The following DOCK5 variants were observed in gnomAD, a reference collection of about 807,000 sequenced individuals.
DOCK5 encodes the protein dedicator of cytokinesis 5.
A neutral mutation model predicts 251.8 loss-of-function variants in DOCK5; 142 were observed. The observed-to-expected ratio is 0.56, with a 90% CI of 0.49 to 0.65. The LOEUF (loss-of-function observed/expected upper bound fraction) is 0.65. DOCK5 is among the 30% of genes least tolerant of loss of function. The pLI, the probability that DOCK5 is intolerant of heterozygous loss-of-function variation, is 0.00. For missense variants in DOCK5, 2,111 were observed against 2,312.3 expected (o/e 0.91, Z 1.79); for synonymous variants, 842 against 835.5 (o/e 1.01, Z -0.13).
In DOCK5 at chr8:25,408,030, G is replaced by T. The variant is rs377379890; in HGVS notation, c.5141G>T (p.Arg1714Ile). 1 of 1,612,376 alleles carries T rather than the reference G, an allele frequency of 6.2e-7. No individual in the cohort carries two copies. The highest frequency in any genetic ancestry group is 1.3e-5 in the African/African-American group (1 of 74,888). The change falls in exon 49 of 52, where the codon AGA becomes ATA. Residue 1714 changes from arginine (R) to isoleucine (I), a missense_variant. Physicochemically the swap from Arg to Ile is moderately conservative, Grantham distance 97. Coordinates refer to ENST00000276440, the MANE Select transcript of DOCK5 (RefSeq NM_024940.8). ...GAGCGCAGGGCCTCGTCAGGTGCCA[G>T]AGTTGAAGATCTGTCCCTTAGAGAG... is the stretch of plus-strand genomic sequence containing the variant. ...LLERRASSGA[R>I]VEDLSLREEN...
chr8:25,338,747 A>G (rs1044430966), intron 22 of DOCK5, among the ~76,000 whole-genome samples: 19 of 152,246 alleles, frequency 1.2e-4, no homozygotes, highest in African/African-American at 4.3e-4. Flanking sequence ...CTCTTACCCA[A>G]AAGTTTGTAT....
intron 41 of DOCK5, 106 bp downstream of exon 41, chr8:25,389,338 A>C: frequency 7.2e-7 from 1 of 1,390,136 alleles, no homozygotes; most frequent in Non-Finnish European, 9.7e-7. Flanking sequence ...CAGACACACC[A>C]TCTTCTCAAG....
chr8:25,311,550 A>C (rs930655560), intron 13 of DOCK5, among the ~76,000 whole-genome samples: 73 of 151,610 alleles, frequency 4.8e-4, no homozygotes, highest in African/African-American at 1.3e-3. Context: ...TCTCAAAAAA[A>C]AAAAAAAGAA....
rs1179168636 is a variant in DOCK5, at chr8:25,298,994, C to G, written c.657C>G (p.Ile219Met). 1 of 1,613,904 alleles carries G rather than the reference C, an allele frequency of 6.2e-7. No homozygotes were observed. Among genetic ancestry groups the G allele is most frequent in the Non-Finnish European group, 8.5e-7 (1 of 1,179,850 alleles). Residue 219 changes from isoleucine to methionine, a missense_variant, in exon 8 of 52, where the codon ATC (isoleucine) becomes ATG (methionine). Ile to Met is a conservative substitution (Grantham distance 10). Coordinates refer to ENST00000276440, the MANE Select transcript of DOCK5 (RefSeq NM_024940.8). ...GGGGCCAGTCCATCTTCAGTACCATCCACACCTATGGCCTCTATGTGAACT... is the reference window on the plus strand; with the variant it reads ...GGGGCCAGTCCATCTTCAGTACCATGCACACCTATGGCCTCTATGTGAACT... ...DLRGQSIFST[I>M]HTYGLYVNFK...
intron 34 of DOCK5, among the ~76,000 whole-genome samples, 158 bp downstream of exon 34, chr8:25,369,799 C>T (rs1268921054): frequency 6.6e-6 from 1 of 152,080 alleles, no homozygotes; most frequent in East Asian, 1.9e-4. Context: ...GTATACTGTC[C>T]ACAGCTGACA....
In DOCK5 at chr8:25,389,076, G is replaced by A; in HGVS notation, c.4132-15G>A. 1 of 1,612,718 alleles carries A rather than the reference G, an allele frequency of 6.2e-7. No individual in the cohort carries two copies. The highest frequency in any genetic ancestry group is 8.5e-7 in the Non-Finnish European group (1 of 1,178,962). ...TTCCTATGTAATGACTTCCCTTTCT[G>A]TGTCTCACCTGCAGAATAAAATCTT... On this transcript the variant is annotated splice_polypyrimidine_tract_variant and intron_variant, in intron 40 of 51. Transcript: ENST00000276440.
In DOCK5 at chr8:25,393,722, G is replaced by T. The variant is rs550781569; in HGVS notation, c.4527+840G>T. ...CTGGAACACCCAAGTTGGGTGACCT[G>T]CCCTTTGTCTGTCCCCTGTGGCATC... On this transcript the variant is annotated intron_variant, in intron 44 of 51. Transcript: ENST00000276440. Among the ~76,000 whole-genome samples the T allele has an allele frequency of 4.6e-5, 7 of 152,282 alleles. No homozygotes were observed. In the South Asian group the frequency reaches 1.5e-3, roughly 32 times the overall value.
chr8:25,399,167 T>C (rs1330927502), intron 45 of DOCK5, among the ~76,000 whole-genome samples: 1 of 152,216 alleles, frequency 6.6e-6, no homozygotes, highest in Non-Finnish European at 1.5e-5. Flanking sequence ...CAAACTTCTA[T>C]TTCTCTTTCC....
At chr8:25,203,760 A>T (rs559077959) in intron 1 of DOCK5, among the ~76,000 whole-genome samples, 1 of 152,296 alleles carries the variant, frequency 6.6e-6, no homozygotes, top group East Asian at 1.9e-4. Flanking sequence ...ACATATGGAC[A>T]TAGTGATTTT....
At chr8:25,382,907 A>G in intron 40 of DOCK5, 129 bp downstream of exon 40, 1 of 726,496 alleles carries the variant, frequency 1.4e-6, no homozygotes, top group Non-Finnish European at 2.2e-6. Flanking sequence ...GGGGAGGGAA[A>G]CCACTTCCTG....
chr8:25,331,263 A>C (rs942193337), intron 18 of DOCK5, among the ~76,000 whole-genome samples: 4 of 151,796 alleles, frequency 2.6e-5, no homozygotes, highest in Non-Finnish European at 5.9e-5. Context: ...ACACACACAC[A>C]CACACACATA....
At chr8:25,262,098 T>A (rs1158489200) in intron 2 of DOCK5, among the ~76,000 whole-genome samples, 1 of 152,176 alleles carries the variant, frequency 6.6e-6, no homozygotes, top group Non-Finnish European at 1.5e-5. Flanking sequence ...AACATTCTTA[T>A]AAAGCACTGG....
chr8:25,390,305 T>G lies in DOCK5; in HGVS notation c.4355+18T>G. On this transcript the variant is annotated intron_variant, in intron 42 of 51. Transcript: ENST00000276440. ...ATCTTAAAGTAAGTGGTTTTTCATT[T>G]AAAAAAAAAAAAAATCTGTGTCTAG... 2.2e-6 allele frequency: 3 copies of G among 1,363,996 alleles called. No individual in the cohort carries two copies. Among genetic ancestry groups the G allele is most frequent in the Non-Finnish European group, 9.9e-7 (1 of 1,011,948 alleles). 84.5% of individuals were successfully genotyped at this position (1,363,996 alleles called of 1,614,324 possible).
intron 22 of DOCK5, 34 bp from the exon 23 acceptor site, chr8:25,340,843 A>G (rs1288966440): frequency 4.5e-6 from 7 of 1,571,004 alleles, no homozygotes; most frequent in Non-Finnish European, 6.1e-6. Flanking sequence ...TTAACAATGG[A>G]AAGTCCAACT....
At chr8:25,242,576 G>A (rs918502162) in intron 1 of DOCK5, among the ~76,000 whole-genome samples, 2 of 152,236 alleles carry the variant, frequency 1.3e-5, no homozygotes, top group Admixed American at 6.5e-5. Flanking sequence ...TAATAGTGTC[G>A]AACATCTCTT....
intron 5 of DOCK5, among the ~76,000 whole-genome samples, chr8:25,288,112 C>T (rs1285117097): frequency 6.6e-6 from 1 of 152,136 alleles, no homozygotes; most frequent in African/African-American, 2.4e-5. Context: ...TCTCGAACTC[C>T]TGACCTCAGG....
At chr8:25,321,683 T>C (rs1393476312) in intron 16 of DOCK5, among the ~76,000 whole-genome samples, 1 of 152,182 alleles carries the variant, frequency 6.6e-6, no homozygotes, top group Non-Finnish European at 1.5e-5. Flanking sequence ...TGAAGACAGA[T>C]GAAGCTTTGC....
intron 22 of DOCK5, among the ~76,000 whole-genome samples, chr8:25,337,774 G>A (rs760949974): frequency 3.0e-4 from 46 of 151,390 alleles, no homozygotes; most frequent in Admixed American, 6.6e-5. Context: ...TTTTAGTAGC[G>A]ATGGGGTTTG....
At chr8:25,337,478 G>GA (rs199977539) in intron 22 of DOCK5, among the ~76,000 whole-genome samples, 18 of 133,414 alleles carry the variant, frequency 1.3e-4, no homozygotes, top group East Asian at 2.1e-4. Context: ...TTATCTAATG[G>GA]AAAAAAAAAA....
Sources: gnomAD v4.1 joint callset for allele counts (sites outside exome capture counted in the v4.1 genomes callset) on GRCh38, gnomAD v4.1.1 for gene constraint, MANE v1.5 for transcripts, NCBI Gene and HGNC (gene_info 2026-07-23, HGNC 2026-07-21) for gene names.